Variants in NPAS3 observed in about 807,000 individuals in gnomAD.
The protein encoded by NPAS3 is neuronal PAS domain protein 3.
NPAS3 carries 14 observed loss-of-function variants against 73.1 expected under a neutral mutation model. That is an observed-to-expected ratio of 0.19 (90% CI 0.13 to 0.30). NPAS3 has a LOEUF of 0.30. NPAS3 is among the 10% of genes least tolerant of loss of function. The probability of loss-of-function intolerance (pLI) is 1.00; values close to 1 mark genes in which losing one functional copy is unlikely to be tolerated. For missense variants in NPAS3, 1,096 were observed against 1,250.0 expected (o/e 0.88, Z 1.86); for synonymous variants, 620 against 541.5 (o/e 1.14, Z -2.01).
At chr14:33,361,227 G>A (rs1239397785) in intron 3 of NPAS3, among the ~76,000 whole-genome samples, 1 of 152,188 alleles carries the variant, frequency 6.6e-6, no homozygotes, top group Non-Finnish European at 1.5e-5. Flanking sequence ...AGAGGTCCCT[G>A]TAATTTGTTG....
chr14:33,705,468 G>A (rs1017340545), intron 6 of NPAS3, among the ~76,000 whole-genome samples: 5 of 152,200 alleles, frequency 3.3e-5, no homozygotes, highest in East Asian at 1.9e-4. Flanking sequence ...TATCCTTTCC[G>A]CATTACCAAG....
intron 2 of NPAS3, among the ~76,000 whole-genome samples, chr14:33,171,949 G>T (rs963953101): frequency 6.6e-6 from 1 of 152,094 alleles, no homozygotes; most frequent in East Asian, 1.9e-4. Flanking sequence ...ATATTTTTAT[G>T]TCTCATAGAA....
At chr14:33,130,606 T>A (rs764889978) in intron 2 of NPAS3, among the ~76,000 whole-genome samples, 1 of 152,196 alleles carries the variant, frequency 6.6e-6, no homozygotes, top group Non-Finnish European at 1.5e-5. Context: ...TTATGCTGTT[T>A]GTGCAAAAAG....
At chr14:33,342,223 G>A (rs1053217806) in intron 3 of NPAS3, among the ~76,000 whole-genome samples, 2 of 152,220 alleles carry the variant, frequency 1.3e-5, no homozygotes, top group Non-Finnish European at 1.5e-5. Flanking sequence ...GTGTGTTGAG[G>A]TGATCATAAG....
intron 6 of NPAS3, among the ~76,000 whole-genome samples, chr14:33,709,411 C>T (rs972951774): frequency 3.9e-5 from 6 of 152,160 alleles, no homozygotes; most frequent in Non-Finnish European, 7.3e-5. Context: ...TGCTACTTCC[C>T]GCCCCCATTC....
intron 4 of NPAS3, among the ~76,000 whole-genome samples, chr14:33,536,147 G>A (rs755260392): frequency 3.3e-5 from 5 of 152,162 alleles, no homozygotes; most frequent in South Asian, 2.1e-4. Context: ...GCTCCCTACC[G>A]TTCCACAGCA....
chr14:33,590,888 T>C (rs920447266), intron 5 of NPAS3, among the ~76,000 whole-genome samples: 16 of 152,178 alleles, frequency 1.1e-4, no homozygotes, highest in African/African-American at 3.9e-4. Context: ...CACCTACTAT[T>C]GTCCAGGCAC....
chr14:33,582,402 C>G (rs1049400906), intron 5 of NPAS3, among the ~76,000 whole-genome samples: 2 of 152,154 alleles, frequency 1.3e-5, no homozygotes. Context: ...TGTAGAGAAG[C>G]AATGTGGTTT....
At chr14:33,066,466 A>G (rs569291963) in intron 2 of NPAS3, among the ~76,000 whole-genome samples, 2 of 152,296 alleles carry the variant, frequency 1.3e-5, no homozygotes, top group African/African-American at 4.8e-5. Flanking sequence ...TTAATTTATC[A>G]TGGTACTTGG....
intron 7 of NPAS3, among the ~76,000 whole-genome samples, chr14:33,746,199 A>ATTTATTT (rs571026434): frequency 4.0e-5 from 6 of 148,932 alleles, no homozygotes; most frequent in African/African-American, 1.5e-4. Context: ...TTATTTATTT[A>ATTTATTT]TTTTTTTGAG....
intron 3 of NPAS3, among the ~76,000 whole-genome samples, chr14:33,361,782 CT>C (rs1351033838): frequency 1.3e-5 from 2 of 152,032 alleles, no homozygotes; most frequent in Non-Finnish European, 2.9e-5. Context: ...TAAAAATCCC[CT>C]AAATAGGAAT....
At chr14:33,484,059 C>G (rs976749567) in intron 4 of NPAS3, among the ~76,000 whole-genome samples, 2 of 152,090 alleles carry the variant, frequency 1.3e-5, no homozygotes, top group African/African-American at 4.8e-5. Context: ...ACACAACAGG[C>G]AAAAAGTGCT....
At chr14:33,298,906 T>C (rs909469272) in intron 3 of NPAS3, among the ~76,000 whole-genome samples, 2 of 152,140 alleles carry the variant, frequency 1.3e-5, no homozygotes, top group African/African-American at 4.8e-5. Flanking sequence ...CCCAACCACA[T>C]CCTATAATGG....
intron 5 of NPAS3, among the ~76,000 whole-genome samples, chr14:33,663,181 CATTCAGTGTGAT>C (rs1271242342): frequency 6.6e-6 from 1 of 152,112 alleles, no homozygotes; most frequent in Middle Eastern, 3.2e-3. Context: ...AGCTTTTGCC[CATTCAGTGTGAT>C]ATTGGCTGTG....
chr14:33,736,253 A>G (rs926950637), intron 7 of NPAS3, among the ~76,000 whole-genome samples: 3 of 152,236 alleles, frequency 2.0e-5, no homozygotes, highest in Non-Finnish European at 4.4e-5. Context: ...TTAGGCCTTC[A>G]AAACCTTACC....
At chr14:33,659,361 C>CTAG (rs2059241202) in intron 5 of NPAS3, among the ~76,000 whole-genome samples, 1 of 152,150 alleles carries the variant, frequency 6.6e-6, no homozygotes, top group Non-Finnish European at 1.5e-5. Flanking sequence ...ACGTTAATGA[C>CTAG]CAGTGCCTTC....
At chr14:33,481,109 C>T (rs1050004362) in intron 4 of NPAS3, among the ~76,000 whole-genome samples, 4 of 151,928 alleles carry the variant, frequency 2.6e-5, no homozygotes, top group South Asian at 2.1e-4. Context: ...GGGTAAATGG[C>T]GAATAAGAAT....
chr14:33,158,028 T>C (rs2044711115), intron 2 of NPAS3, among the ~76,000 whole-genome samples: 1 of 150,302 alleles, frequency 6.7e-6, no homozygotes, highest in Non-Finnish European at 1.5e-5. Flanking sequence ...CACTTAAAGC[T>C]TAGACTTGGA....
intron 5 of NPAS3, among the ~76,000 whole-genome samples, chr14:33,598,392 G>C (rs935970707): frequency 1.3e-5 from 2 of 152,138 alleles, no homozygotes; most frequent in Non-Finnish European, 2.9e-5. Flanking sequence ...TCACATAATG[G>C]TGATGATGTG....
Sources: gnomAD v4.1 joint callset for allele counts (sites outside exome capture counted in the v4.1 genomes callset) on GRCh38, gnomAD v4.1.1 for gene constraint, MANE v1.5 for transcripts, NCBI Gene and HGNC (gene_info 2026-07-23, HGNC 2026-07-21) for gene names.